The following MST1R variants were observed in gnomAD, a reference collection of about 807,000 sequenced individuals.
MST1R encodes the protein macrophage stimulating 1 receptor.
Under a neutral mutation model 117.8 loss-of-function variants are expected in MST1R, and 99 were observed. The observed-to-expected ratio is 0.84, with a 90% CI of 0.71 to 0.99. The LOEUF (loss-of-function observed/expected upper bound fraction) is 0.99, where lower values mean the gene tolerates loss of function less well. Among genes scored for constraint, MST1R ranks in the 50% least tolerant of loss-of-function variants. MST1R has a pLI of 0.00. For missense variants in MST1R, 1,683 were observed against 1,840.2 expected, an observed-to-expected ratio of 0.91 and a Z score of 1.56; for synonymous variants, 734 against 765.3, an observed-to-expected ratio of 0.96 and a Z score of 0.68.
chr3:49,887,707 G>T, intron 19 of MST1R, 145 bp from the exon 20 acceptor site: 1 of 855,910 alleles, frequency 1.2e-6, no homozygotes, highest in Non-Finnish European at 1.8e-6. Context: ...ATCAGGGGCA[G>T]CTCTTCTCAT....
chr3:49,903,353 TTCAGG>T lies in MST1R; in HGVS notation c.252_256del (p.Asp84GlufsTer32). 6.2e-7 allele frequency: 1 copy of T among 1,613,836 alleles called. No homozygotes were observed. The highest frequency in any genetic ancestry group is 1.3e-5 in the African/African-American group (1 of 75,070). On this transcript the variant is annotated frameshift_variant, in exon 1 of 20. Transcript: ENST00000296474. LOFTEE classifies it high-confidence loss of function. ...GCCCGTGGCCAGGCTCTGGACAGAC[TTCAGG>T]TCAGGCCCAAGCACATGCAGGCGAT...
In MST1R at chr3:49,887,379, C is replaced by G. The variant is rs12634102; in HGVS notation, c.4131G>C (p.Gln1377His). Residue 1377 changes from glutamine to histidine, a missense_variant, in exon 20 of 20, where the codon CAG becomes CAC. Gln to His is a conservative substitution (Grantham distance 24). Transcript: ENST00000296474. ...TCCCTGGCATGGGTGAGAACTGCGG[C>G]TGTTCTGGACGCACATTCATCTCAT... ...TSHEMNVRPE[Q>H]PQFSPMPGNV... 32 of 1,614,108 alleles carry G rather than the reference C, an allele frequency of 2.0e-5. No individual in the cohort carries two copies. The highest frequency in any genetic ancestry group is 2.6e-5 in the Non-Finnish European group (31 of 1,180,042).
At chr3:49,896,979 C>T (rs945939958) in intron 7 of MST1R, 89 bp from the exon 8 acceptor site, 8 of 1,391,776 alleles carry the variant, frequency 5.7e-6, no homozygotes, top group South Asian at 3.1e-5. Context: ...TCTCCCAGTT[C>T]GTCTGTTATC....
Position 49,902,521 on chromosome 3 carries a change from G to T in MST1R, c.1089C>A (p.Asn363Lys), listed in dbSNP as rs969672578. The T allele has an allele frequency of 3.7e-6, 6 of 1,614,018 alleles. No homozygotes were observed. Among genetic ancestry groups the T allele is most frequent in the African/African-American group, 2.7e-5 (2 of 74,952 alleles). The change falls in exon 1 of 20, where the codon AAC (asparagine) becomes AAA (lysine). Residue 363 changes from asparagine (N) to lysine (K), a missense_variant. By Grantham distance (94) the Asn-to-Lys change is moderately conservative. Transcript: ENST00000296474. ...CAATGGGGAAGGCACAGACGACAGA[G>T]TTGGGGCCCACGCCAGGACCACCAT... ...GKDGGPGVGP[N>K]SVVCAFPIDL...
chr3:49,888,792 G>A (rs910928846), intron 19 of MST1R, among the ~76,000 whole-genome samples: 16 of 152,142 alleles, frequency 1.1e-4, no homozygotes, highest in Admixed American at 9.8e-4. Flanking sequence ...TCAGACTCTC[G>A]GAAGGTGGTA....
Position 49,887,176 on chromosome 3 carries a change from AT to A in MST1R, c.*130del, listed in dbSNP as rs1277854852. 7.6e-7 allele frequency: 1 copy of A among 1,310,932 alleles called. No individual in the cohort carries two copies. The highest frequency in any genetic ancestry group is 1.1e-6 in the Non-Finnish European group (1 of 944,082). The allele number at this position is 1,310,932 out of a possible 1,614,324, so 81.2% of individuals were successfully genotyped here. ...TGGAGTGAGGGACCTAATGGGCCCC[AT>A]TTACCTATTGCCTCTGAAAGTTAAA... On this transcript the variant is annotated 3_prime_UTR_variant, in exon 20 of 20. Transcript: ENST00000296474.
At chr3:49,899,760 A>G (rs1367261886) in intron 1 of MST1R, among the ~76,000 whole-genome samples, 1 of 151,478 alleles carries the variant, frequency 6.6e-6, no homozygotes, top group East Asian at 2.0e-4. Context: ...TTTAGTAGAG[A>G]TGGGGGTTTC....
At position 49,895,275 on chromosome 3, in the gene MST1R, C is replaced by T. The variant is rs751480532; in HGVS notation, c.3163G>A (p.Glu1055Lys). 3.1e-6 allele frequency: 5 copies of T among 1,614,234 alleles called. No homozygotes were observed. The South Asian group carries it at 5.5e-5, about 18-fold the overall frequency. Residue 1055 changes from glutamate to lysine, a missense_variant, in exon 14 of 20, where the codon GAG (glutamate) becomes AAG (lysine). Transcript: ENST00000296474. ...TCCAGGTCCCTTAGCTGGATGGACT[C>T]TTTCCGCAGCAGTGGCACACAGGAT... ...DESCVPLLRK[E>K]SIQLRDLDSA...
rs530480519 is a variant in MST1R, at chr3:49,894,253, A to G, written c.3271+914T>C. 1.2e-3 allele frequency among the ~76,000 whole-genome samples: 179 copies of G among 149,962 alleles called. 1 individual carries two copies. The highest frequency in any genetic ancestry group is 0.01 in the Middle Eastern group (3 of 288). On this transcript the variant is annotated intron_variant, in intron 14 of 19. Transcript: ENST00000296474. ...AATAATAAAATAGAATAAAAATAAAAATAAAATAAAATAAATATAATAAAA... is the reference window on the plus strand; with the variant it reads ...AATAATAAAATAGAATAAAAATAAAGATAAAATAAAATAAATATAATAAAA...
chr3:49,899,526 AC>A (rs1217080656), intron 1 of MST1R: 2 of 235,564 alleles, frequency 8.5e-6, no homozygotes, highest in Non-Finnish European at 1.5e-5. Context: ...ATGGTGAGTT[AC>A]CCCCATTCCA....
intron 17 of MST1R, 142 bp from the exon 18 acceptor site, chr3:49,890,792 C>T (rs1038087485): frequency 2.6e-6 from 2 of 770,898 alleles, no homozygotes; most frequent in Admixed American, 6.2e-5. Context: ...GTGGCGCGAT[C>T]TCCGCTCACT....
At position 49,902,275 on chromosome 3, in the gene MST1R, G is replaced by GC. The variant is rs574936338; in HGVS notation, c.1230+104dup. 3.8e-5 allele frequency: 54 copies of GC among 1,439,258 alleles called. No individual in the cohort carries two copies. In the African/African-American group the frequency reaches 4.1e-4, roughly 11 times the overall value. 89.2% of individuals were successfully genotyped at this position (1,439,258 alleles called of 1,614,324 possible). ...TGAGAGAGAATGCTTCTTTCCGCCT[G>GC]CCCCCCCACCGCGCCCCCAGATCCC... On this transcript the variant is annotated intron_variant, in intron 1 of 19. Transcript: ENST00000296474.
intron 19 of MST1R, among the ~76,000 whole-genome samples, chr3:49,887,993 G>T (rs953241169): frequency 5.9e-5 from 9 of 152,212 alleles, no homozygotes; most frequent in Non-Finnish European, 1.0e-4. Context: ...AGCAAAGCAG[G>T]AATTAAAAAT....
At chr3:49,890,912 G>C (rs139396252) in intron 17 of MST1R, among the ~76,000 whole-genome samples, 1,975 of 152,256 alleles carry the variant, frequency 0.013, 45 homozygotes, top group African/African-American at 0.046. Context: ...ATTTTTAGTA[G>C]AGACGGGGTT....
intron 14 of MST1R, 90 bp from the exon 15 acceptor site, chr3:49,891,928 C>A: frequency 1.0e-6 from 1 of 974,176 alleles, no homozygotes; most frequent in Non-Finnish European, 1.6e-6. Context: ...GACCTCAGAG[C>A]ACTAAACTGG....
chr3:49,896,676 A>C, intron 8 of MST1R, 43 bp from the exon 9 acceptor site: 1 of 1,611,446 alleles, frequency 6.2e-7, no homozygotes, highest in Non-Finnish European at 8.5e-7. Context: ...TGTTCTCCAA[A>C]GCTGGCTCTC....
In MST1R at chr3:49,898,665, G is replaced by A. The variant is rs2082563679; in HGVS notation, c.1572C>T (p.Gly524=). The A allele has an allele frequency of 1.2e-6, 2 of 1,614,020 alleles. No homozygotes were observed. The highest frequency in any genetic ancestry group is 1.3e-5 in the African/African-American group (1 of 74,946). Residue 524 remains glycine, a synonymous_variant, in exon 4 of 20, where the codon GGC becomes GGT. Transcript: ENST00000296474. ...AGGTCAGGAAGTGGCGGCAGCCAGGGCCTTGGATAGGTACCTGGAAAACCT... is the reference window on the plus strand; with the variant it reads ...AGGTCAGGAAGTGGCGGCAGCCAGGACCTTGGATAGGTACCTGGAAAACCT... The part of the protein sequence containing the change: ...GDQVFQVPIQ[G]PGCRHFLTCG...
Position 49,902,952 on chromosome 3 carries a change from G to C in MST1R, c.658C>G (p.Arg220Gly), listed in dbSNP as rs771132053. The C allele has an allele frequency of 6.2e-7, 1 of 1,613,214 alleles. No individual in the cohort carries two copies. The highest frequency in any genetic ancestry group is 1.1e-5 in the South Asian group (1 of 91,032). The stretch of plus-strand genomic sequence containing the variant: ...AATCCCGAGGCGTCAGCCTTGAGAC[G>C]CCTGATAGACACTGAGCGTGGGCTG... ...SFSPRSVSIR[R>G]LKADASGFAP... is the part of the protein sequence containing the mutation. The change falls in exon 1 of 20, where the codon CGT becomes GGT. Residue 220 changes from arginine to glycine, a missense_variant. By Grantham distance (125) the Arg-to-Gly change is moderately radical. Coordinates refer to ENST00000296474, the MANE Select transcript of MST1R (RefSeq NM_002447.4).
Position 49,903,673 on chromosome 3 carries a change from G to T in MST1R, c.-64C>A. On this transcript the variant is annotated 5_prime_UTR_variant, in exon 1 of 20. Transcript: ENST00000296474. ...GGGCCTGGACCTGGGCGTGGGCCTG[G>T]CTGGGGGCCCGACTCGAGGTCTGGA... The T allele has an allele frequency of 6.6e-7, 1 of 1,508,296 alleles. No homozygotes were observed. The allele number at this position is 1,508,296 out of a possible 1,614,324, so 93.4% of individuals were successfully genotyped here.
Sources: gnomAD v4.1 joint callset for allele counts (sites outside exome capture counted in the v4.1 genomes callset) on GRCh38, gnomAD v4.1.1 for gene constraint, MANE v1.5 for transcripts, NCBI Gene and HGNC (gene_info 2026-07-23, HGNC 2026-07-21) for gene names.